Variants in RPS6KC1 observed in about 807,000 individuals in gnomAD.
RPS6KC1 encodes ribosomal protein S6 kinase C1.
A neutral mutation model predicts 103.8 loss-of-function variants in RPS6KC1; 54 were observed. The ratio of observed to expected loss-of-function variants is 0.52; its 90% CI spans 0.42 to 0.65. The LOEUF (loss-of-function observed/expected upper bound fraction) is 0.65. Ranked by LOEUF, RPS6KC1 falls within the 30% of genes least tolerant of loss-of-function variation. The probability of loss-of-function intolerance (pLI) is 0.00; values close to 1 mark genes in which losing one functional copy is unlikely to be tolerated. For missense variants in RPS6KC1, 1,151 were observed against 1,253.8 expected (o/e 0.92, Z 1.24); for synonymous variants, 439 against 438.7 (o/e 1.00, Z -0.01).
chr1:213,605,418 G>A, the RPS6KC1 span, among the ~76,000 whole-genome samples: 9 of 151,946 alleles, frequency 5.9e-5, no homozygotes, highest in Non-Finnish European at 1.2e-4. Flanking sequence ...AGCAACTGCT[G>A]AAAATTCAGC....
chr1:213,424,440 G>C, the RPS6KC1 span, among the ~76,000 whole-genome samples: 3 of 152,344 alleles, frequency 2.0e-5, no homozygotes, highest in East Asian at 3.9e-4. Flanking sequence ...GAAGCGTTTC[G>C]AGAGCTCTTT....
rs2094341686 is a variant in RPS6KC1, at chr1:213,241,128, C to T, written c.1652C>T (p.Pro551Leu). ...GATACAAAAGCTATTAAAAGCTTCC[C>T]AGCACACCTTGCTGCTGACAGTGAC... Reference protein sequence around the residue: ...GVDTKAIKSFPAHLAADSDSP... With the variant: ...GVDTKAIKSFLAHLAADSDSP... The change falls in exon 11 of 15, where the codon CCA (proline) becomes CTA (leucine). Residue 551 changes from proline to leucine, a missense_variant. Transcript: ENST00000366960. The T allele has an allele frequency of 6.2e-7, 1 of 1,613,684 alleles. No individual in the cohort carries two copies. The highest frequency in any genetic ancestry group is 8.5e-7 in the Non-Finnish European group (1 of 1,179,924).
At chr1:213,128,723 G>T (rs570895087) in intron 5 of RPS6KC1, among the ~76,000 whole-genome samples, 1 of 152,292 alleles carries the variant, frequency 6.6e-6, no homozygotes, top group East Asian at 1.9e-4. Flanking sequence ...ACATTTTCCA[G>T]TTACGGATGG....
At chr1:213,168,831 C>T (rs2091228737) in intron 7 of RPS6KC1, among the ~76,000 whole-genome samples, 1 of 151,980 alleles carries the variant, frequency 6.6e-6, no homozygotes, top group Non-Finnish European at 1.5e-5. Flanking sequence ...ACCATGTTAG[C>T]CAGGATGGTC....
chr1:213,453,055 G>T, the RPS6KC1 span, among the ~76,000 whole-genome samples: 3 of 151,948 alleles, frequency 2.0e-5, no homozygotes, highest in Admixed American at 6.6e-5. Flanking sequence ...TCCACGTATG[G>T]TATCACTGAG....
the RPS6KC1 span, among the ~76,000 whole-genome samples, chr1:213,798,079 T>C: frequency 2.6e-5 from 4 of 152,216 alleles, no homozygotes; most frequent in Non-Finnish European, 5.9e-5. Flanking sequence ...CCTGAAACTC[T>C]GTGCTGGACC....
At chr1:213,389,458 G>A in the RPS6KC1 span, among the ~76,000 whole-genome samples, 3 of 152,214 alleles carry the variant, frequency 2.0e-5, no homozygotes, top group South Asian at 2.1e-4. Flanking sequence ...GGCTTGCGGC[G>A]GATTTATCAG....
At chr1:213,247,559 G>T (rs763158317) in intron 12 of RPS6KC1, among the ~76,000 whole-genome samples, 4 of 152,134 alleles carry the variant, frequency 2.6e-5, no homozygotes, top group Non-Finnish European at 5.9e-5. Flanking sequence ...ATATCTTGAG[G>T]CTATCAGAAG....
chr1:213,135,663 AT>A (rs1214273678), intron 6 of RPS6KC1, among the ~76,000 whole-genome samples: 1 of 152,190 alleles, frequency 6.6e-6, no homozygotes, highest in Non-Finnish European at 1.5e-5. Context: ...TCTAATTAAG[AT>A]TTTTAAAAAT....
chr1:213,188,133 C>G (rs936145701), intron 8 of RPS6KC1, among the ~76,000 whole-genome samples: 8 of 152,022 alleles, frequency 5.3e-5, no homozygotes, highest in African/African-American at 1.9e-4. Context: ...GGTGATAGTC[C>G]CACCTCCTGT....
the RPS6KC1 span, among the ~76,000 whole-genome samples, chr1:213,431,191 C>T: frequency 2.0e-5 from 3 of 152,264 alleles, no homozygotes; most frequent in South Asian, 6.2e-4. Context: ...TGCATGGGTG[C>T]TTACACTTGC....
At chr1:213,059,695 A>T (rs1415890367) in intron 1 of RPS6KC1, among the ~76,000 whole-genome samples, 31 of 150,296 alleles carry the variant, frequency 2.1e-4, no homozygotes, top group Admixed American at 2.0e-3. Context: ...TTTTTTTGAG[A>T]CGCATCTCGC....
chr1:213,054,174 C>T (rs1162113597), intron 1 of RPS6KC1, among the ~76,000 whole-genome samples: 1 of 152,198 alleles, frequency 6.6e-6, no homozygotes, highest in African/African-American at 2.4e-5. Flanking sequence ...GACCTATTTA[C>T]TGAGCTAAGT....
At chr1:213,559,744 A>G in the RPS6KC1 span, among the ~76,000 whole-genome samples, 1 of 152,224 alleles carries the variant, frequency 6.6e-6, no homozygotes, top group Non-Finnish European at 1.5e-5. Flanking sequence ...TCTATGTGTA[A>G]TTTAATTTTT....
chr1:213,461,354 T>C, the RPS6KC1 span, among the ~76,000 whole-genome samples: 1 of 152,194 alleles, frequency 6.6e-6, no homozygotes, highest in Non-Finnish European at 1.5e-5. Flanking sequence ...ATGACCATAC[T>C]GCCCTAAGTA....
chr1:213,520,801 G>C, the RPS6KC1 span, among the ~76,000 whole-genome samples: 1 of 152,062 alleles, frequency 6.6e-6, no homozygotes, highest in African/African-American at 2.4e-5. Context: ...CAAAAAGAAG[G>C]GTGTGTGCTC....
the RPS6KC1 span, among the ~76,000 whole-genome samples, chr1:213,375,818 T>C: frequency 2.0e-5 from 3 of 152,326 alleles, no homozygotes; most frequent in South Asian, 6.2e-4. Flanking sequence ...CTTTCTGCAT[T>C]TGCCTCCTCC....
chr1:213,510,649 A>G, the RPS6KC1 span, among the ~76,000 whole-genome samples: 2 of 152,144 alleles, frequency 1.3e-5, no homozygotes, highest in Non-Finnish European at 2.9e-5. Flanking sequence ...TCCTGCACTC[A>G]CGGTCTCCAG....
At chr1:213,070,556 G>A (rs748352087) in intron 1 of RPS6KC1, among the ~76,000 whole-genome samples, 9 of 152,148 alleles carry the variant, frequency 5.9e-5, no homozygotes, top group Non-Finnish European at 1.5e-5. Flanking sequence ...ACCATGTGGT[G>A]GAAGATTTAT....
Sources: gnomAD v4.1 joint callset for allele counts (sites outside exome capture counted in the v4.1 genomes callset) on GRCh38, gnomAD v4.1.1 for gene constraint, MANE v1.5 for transcripts, NCBI Gene and HGNC (gene_info 2026-07-23, HGNC 2026-07-21) for gene names.